CTNNA3: variants seen among roughly 807,000 people sequenced by gnomAD.
CTNNA3 encodes the protein catenin alpha 3.
CTNNA3 carries 76 observed loss-of-function variants against 95.7 expected under a neutral mutation model. That is an observed-to-expected ratio of 0.79 (90% CI 0.66 to 0.96). CTNNA3 has a LOEUF of 0.96. Ranked by LOEUF, CTNNA3 falls within the 40% of genes least tolerant of loss-of-function variation. CTNNA3 has a pLI of 0.00. For missense variants in CTNNA3, 1,191 were observed against 1,089.8 expected (o/e 1.09, Z -1.31); for synonymous variants, 431 against 374.4 (o/e 1.15, Z -1.74).
At chr10:65,928,887 T>A (rs956078735) in intron 17 of CTNNA3, among the ~76,000 whole-genome samples, 9 of 152,186 alleles carry the variant, frequency 5.9e-5, no homozygotes, top group Non-Finnish European at 1.3e-4. Flanking sequence ...CTCTTTTTTT[T>A]ATTATACTTT....
intron 5 of CTNNA3, among the ~76,000 whole-genome samples, chr10:67,232,930 G>A (rs1218049463): frequency 1.3e-5 from 2 of 152,098 alleles, no homozygotes; most frequent in African/African-American, 4.8e-5. Flanking sequence ...TTACATAACG[G>A]TAAAGGGATC....
chr10:67,749,107 C>T (rs910960779), intron 1 of CTNNA3, among the ~76,000 whole-genome samples: 5 of 152,124 alleles, frequency 3.3e-5, no homozygotes, highest in African/African-American at 9.7e-5. Flanking sequence ...ACTAACAATT[C>T]TAAATATATA....
At chr10:66,425,252 G>C (rs1376510318) in intron 11 of CTNNA3, among the ~76,000 whole-genome samples, 1 of 150,786 alleles carries the variant, frequency 6.6e-6, no homozygotes, top group Non-Finnish European at 1.5e-5. Flanking sequence ...AAGATTAGCA[G>C]TTAGTTTTTT....
intron 9 of CTNNA3, among the ~76,000 whole-genome samples, chr10:66,642,125 T>G (rs953467872): frequency 6.6e-6 from 1 of 152,040 alleles, no homozygotes; most frequent in African/African-American, 2.4e-5. Flanking sequence ...CAGATGTTCT[T>G]TGGGTCAGGC....
At chr10:67,383,163 AT>A (rs1413026568) in intron 5 of CTNNA3, among the ~76,000 whole-genome samples, 2 of 152,228 alleles carry the variant, frequency 1.3e-5, no homozygotes, top group African/African-American at 4.8e-5. Flanking sequence ...CTATTAATAA[AT>A]TCTCATTAAA....
intron 17 of CTNNA3, among the ~76,000 whole-genome samples, chr10:65,958,786 G>C (rs374848088): frequency 1.3e-5 from 2 of 152,154 alleles, no homozygotes; most frequent in Non-Finnish European, 2.9e-5. Context: ...AGGCGTATGA[G>C]GTGTCAGTCA....
chr10:66,814,178 G>A (rs1841988991), intron 7 of CTNNA3, among the ~76,000 whole-genome samples: 1 of 151,422 alleles, frequency 6.6e-6, no homozygotes, highest in African/African-American at 2.4e-5. Flanking sequence ...GTATAGAAAC[G>A]TCAGAGGCAG....
intron 15 of CTNNA3, among the ~76,000 whole-genome samples, chr10:66,016,354 G>GCC (rs1554830165): frequency 6.6e-6 from 1 of 152,012 alleles, no homozygotes; most frequent in Non-Finnish European, 1.5e-5. Flanking sequence ...AATGACATAT[G>GCC]CCCTTACTTC....
chr10:66,233,557 T>A (rs953571804), intron 13 of CTNNA3, among the ~76,000 whole-genome samples: 1 of 152,136 alleles, frequency 6.6e-6, no homozygotes, highest in Non-Finnish European at 1.5e-5. Flanking sequence ...AATAAACACA[T>A]AAAATGGTTC....
chr10:67,762,925 CG>C (rs1354235648), intron 1 of CTNNA3, among the ~76,000 whole-genome samples: 2 of 152,076 alleles, frequency 1.3e-5, no homozygotes, highest in Non-Finnish European at 1.5e-5. Flanking sequence ...CCCTCTCACG[CG>C]GACCCCCTTA....
Position 65,980,426 on chromosome 10 carries a change from C to T in CTNNA3, c.2265+8266G>A, listed in dbSNP as rs149972593. On this transcript the variant is annotated intron_variant, in intron 16 of 17. Coordinates refer to ENST00000433211, the MANE Select transcript of CTNNA3 (RefSeq NM_013266.4). ...ATTCAAAGAGGAATTGATACCAATC[C>T]GATTGACATTATTCCACAGGATAGA... is the stretch of plus-strand genomic sequence containing the variant. Among the ~76,000 whole-genome samples, 133 of 151,672 alleles carry T rather than the reference C, an allele frequency of 8.8e-4. 1 individual carries two copies. Among genetic ancestry groups the T allele is most frequent in the African/African-American group, 2.7e-3 (110 of 41,396 alleles).
intron 5 of CTNNA3, among the ~76,000 whole-genome samples, chr10:67,359,940 G>T (rs746429063): frequency 1.5e-4 from 23 of 152,026 alleles, no homozygotes; most frequent in Non-Finnish European, 2.5e-4. Context: ...AAATCAAAAA[G>T]GTAGCTAGAA....
At chr10:66,438,495 C>T (rs2093353545) in intron 11 of CTNNA3, among the ~76,000 whole-genome samples, 1 of 152,104 alleles carries the variant, frequency 6.6e-6, no homozygotes, top group South Asian at 2.1e-4. Flanking sequence ...TTTGTTTACA[C>T]TGTGAGGGGA....
chr10:66,450,076 A>G (rs1275119887), intron 11 of CTNNA3, among the ~76,000 whole-genome samples: 1 of 152,054 alleles, frequency 6.6e-6, no homozygotes, highest in Non-Finnish European at 1.5e-5. Context: ...GAAATCTTCT[A>G]TCATTCCTAA....
At chr10:67,741,592 C>A (rs538851970) in intron 1 of CTNNA3, among the ~76,000 whole-genome samples, 1 of 151,022 alleles carries the variant, frequency 6.6e-6, no homozygotes, top group African/African-American at 2.4e-5. Flanking sequence ...GAAGAAACTG[C>A]GTCAACTAAT....
intron 12 of CTNNA3, among the ~76,000 whole-genome samples, chr10:66,293,436 A>G (rs1382265330): frequency 8.2e-5 from 4 of 48,518 alleles, no homozygotes; most frequent in Non-Finnish European, 1.5e-4. Flanking sequence ...TAAAACAGGG[A>G]AAAAAAAGCT....
intron 7 of CTNNA3, among the ~76,000 whole-genome samples, chr10:67,151,095 C>T (rs1861069449): frequency 6.6e-6 from 1 of 152,132 alleles, no homozygotes; most frequent in South Asian, 2.1e-4. Flanking sequence ...CCTCCTAAAA[C>T]TAAAAATTAC....
At chr10:67,507,267 C>T (rs1300368645) in intron 5 of CTNNA3, among the ~76,000 whole-genome samples, 12 of 152,110 alleles carry the variant, frequency 7.9e-5, no homozygotes, top group East Asian at 3.8e-4. Flanking sequence ...CAGTGGCTCA[C>T]GCCTGTAATC....
intron 9 of CTNNA3, among the ~76,000 whole-genome samples, chr10:66,646,504 T>C (rs960494824): frequency 2.6e-5 from 4 of 152,134 alleles, no homozygotes; most frequent in African/African-American, 9.7e-5. Context: ...AATAAAGACA[T>C]GTCTGTATGG....
Sources: allele counts gnomAD v4.1 joint callset (sites outside exome capture counted in the v4.1 genomes callset), GRCh38; gene constraint gnomAD v4.1.1; transcripts MANE v1.5; gene names NCBI Gene and HGNC (gene_info 2026-07-23, HGNC 2026-07-21).